The following NEB variants were observed in gnomAD, a reference collection of about 807,000 sequenced individuals.
NEB encodes the protein nemaline myopathy type 2.
In NEB, 512 loss-of-function variants were observed where a neutral mutation model predicts 952.2. The observed-to-expected ratio is 0.54, with a 90% CI of 0.50 to 0.58. The LOEUF (loss-of-function observed/expected upper bound fraction) is 0.58, where lower values mean the gene tolerates loss of function less well. Among genes scored for constraint, NEB ranks in the 20% least tolerant of loss-of-function variants. The probability of loss-of-function intolerance (pLI) is 0.00; values close to 1 mark genes in which losing one functional copy is unlikely to be tolerated. For synonymous variants in NEB, 2,900 were observed against 3,149.8 expected, an observed-to-expected ratio of 0.92 and a Z score of 2.66; for missense variants, 8,428 against 9,231.1, an observed-to-expected ratio of 0.91 and a Z score of 3.56.
chr2:151,621,329 A>G (rs2098412137), intron 71 of NEB, among the ~76,000 whole-genome samples: 1 of 152,214 alleles, frequency 6.6e-6, no homozygotes, highest in Admixed American at 6.5e-5. Context: ...TCATGAAACA[A>G]TCAAGAAATG....
chr2:151,556,784 C>G (rs980124555), intron 124 of NEB, among the ~76,000 whole-genome samples: 2 of 151,838 alleles, frequency 1.3e-5, no homozygotes, highest in Non-Finnish European at 2.9e-5. Flanking sequence ...CACCTCCTGT[C>G]GACACTAGAC....
intron 114 of NEB, among the ~76,000 whole-genome samples, chr2:151,566,592 G>A (rs1560011692): frequency 6.6e-6 from 1 of 152,178 alleles, no homozygotes; most frequent in African/African-American, 2.4e-5. Flanking sequence ...GGCAAGTAGA[G>A]ATCTTGATTC....
rs993086996 is a variant in NEB, at chr2:151,537,917, A to G, written c.21057T>C (p.Arg7019=). The change falls in exon 140 of 182, where the codon CGT becomes CGC. Residue 7019 remains arginine, a synonymous_variant. Transcript: ENST00000397345. ...CTGCTCGGTGGTGGAAATGCTCTGG[A>G]CGATCAGGAATGGACCTCCAGATAC... The part of the protein sequence containing the change: ...QLGIWRSIPD[R]PEHFHHRAVT... The G allele has an allele frequency of 1.2e-6, 2 of 1,613,240 alleles. No homozygotes were observed. Among genetic ancestry groups the G allele is most frequent in the Non-Finnish European group, 1.7e-6 (2 of 1,179,576 alleles).
intron 165 of NEB, among the ~76,000 whole-genome samples, chr2:151,503,801 T>C (rs1326167992): frequency 6.6e-6 from 1 of 152,154 alleles, no homozygotes; most frequent in Non-Finnish European, 1.5e-5. Flanking sequence ...AATGAATAGA[T>C]TGCTTGGTTT....
chr2:151,572,081 G>A (rs966832157), intron 107 of NEB, among the ~76,000 whole-genome samples: 1 of 152,222 alleles, frequency 6.6e-6, no homozygotes, highest in African/African-American at 2.4e-5. Context: ...CAGCACTTTG[G>A]GAGGCCGAGG....
chr2:151,619,426 C>A, intron 73 of NEB, 25 bp downstream of exon 73: 1 of 1,562,538 alleles, frequency 6.4e-7, no homozygotes. Flanking sequence ...TTTTAACATG[C>A]AGAGCTAACA....
At position 151,725,424 on chromosome 2, in the gene NEB, C is replaced by T. The variant is rs200433731; in HGVS notation, c.402+29G>A. Reference sequence around the variant, plus strand: ...GCAGTAGGTGTATTTTGAAATGTCCCTCTCCTTTATTTCAGCAATGCAGCC... The same window carrying T: ...GCAGTAGGTGTATTTTGAAATGTCCTTCTCCTTTATTTCAGCAATGCAGCC... On this transcript the variant is annotated intron_variant, in intron 6 of 181. Coordinates refer to ENST00000397345, the MANE Select transcript of NEB (RefSeq NM_001164508.2). The T allele has an allele frequency of 3.9e-4, 614 of 1,561,968 alleles. 1 individual carries two copies. Among genetic ancestry groups the T allele is most frequent in the Non-Finnish European group, 4.1e-4 (461 of 1,136,560 alleles).
At position 151,677,806 on chromosome 2, in the gene NEB, G is replaced by A. The variant is rs776671880; in HGVS notation, c.3568-35C>T. The A allele has an allele frequency of 3.7e-6, 6 of 1,612,074 alleles. No homozygotes were observed. The East Asian group carries it at 6.7e-5, about 18-fold the overall frequency. On this transcript the variant is annotated intron_variant, in intron 33 of 181. Transcript: ENST00000397345. ...TGGAGAAAAGAGGAGTGAGGGCCTAGGACAGGGTTCTTTTCATGGCAGGCT... is the reference window on the plus strand; with the variant it reads ...TGGAGAAAAGAGGAGTGAGGGCCTAAGACAGGGTTCTTTTCATGGCAGGCT...
At chr2:151,726,284 C>CA (rs576028439) in intron 5 of NEB, among the ~76,000 whole-genome samples, 1 of 152,202 alleles carries the variant, frequency 6.6e-6, no homozygotes, top group East Asian at 1.9e-4. Context: ...AATATATTGA[C>CA]AAAAAATTCT....
Position 151,649,194 on chromosome 2 carries a change from AATAAGT to A in NEB, c.7431+976_7431+981del, listed in dbSNP as rs1243694004. On this transcript the variant is annotated intron_variant, in intron 54 of 181. Transcript: ENST00000397345. The stretch of plus-strand genomic sequence containing the variant: ...TCTGTCATCATAAAAATAGTAAAAG[AATAAGT>A]AAATGCTTAAACATTCATAATGAAG... Among the ~76,000 whole-genome samples, 6 of 152,208 alleles carry A rather than the reference AATAAGT, an allele frequency of 3.9e-5. No homozygotes were observed. In the East Asian group the frequency reaches 1.2e-3, roughly 29 times the overall value.
intron 77 of NEB, among the ~76,000 whole-genome samples, chr2:151,613,017 C>A (rs1191074945): frequency 6.6e-6 from 1 of 152,084 alleles, no homozygotes; most frequent in East Asian, 1.9e-4. Flanking sequence ...ATATAAACAA[C>A]TGGTTGAAGG....
chr2:151,690,965 C>T lies in NEB; in HGVS notation c.2212-140G>A, dbSNP rs73967586. 2,609 of 650,630 alleles carry T rather than the reference C, an allele frequency of 4.0e-3. 55 individuals are homozygous for T. The African/African-American group carries it at 0.042, about 10-fold the overall frequency. The allele number at this position is 650,630 out of a possible 1,614,324, so 40.3% of individuals were successfully genotyped here. On this transcript the variant is annotated intron_variant, in intron 23 of 181. Coordinates refer to ENST00000397345, the MANE Select transcript of NEB (RefSeq NM_001164508.2). ...TTGATGCGTTTATATTCTCACTTCT[C>T]TGTCTGTCTCTCTCTCTCTCTCTCT...
At chr2:151,511,712 G>T (rs574571582) in intron 161 of NEB, among the ~76,000 whole-genome samples, 18 of 152,294 alleles carry the variant, frequency 1.2e-4, no homozygotes, top group Middle Eastern at 3.4e-3. Flanking sequence ...CTATCCCAGG[G>T]TGTGAAGGAT....
chr2:151,640,662 T>G lies in NEB; in HGVS notation c.8378A>C (p.Lys2793Thr). Residue 2793 changes from lysine (K) to threonine (T), a missense_variant, in exon 61 of 182, where the codon AAG becomes ACG. By Grantham distance (78) the Lys-to-Thr change is moderately conservative (BLOSUM62 -1). This residue lies in a region of NEB where 1,772 missense variants were observed against 1,960.3 expected (regional missense o/e 0.90). Coordinates refer to ENST00000397345, the MANE Select transcript of NEB (RefSeq NM_001164508.2). ...CTGCTTACGATAGCCTTCTTTGTAC[T>G]TGAACTAAAAGAAGAAAAAGACAGA... ...KASRDIASEF[K>T]YKEGYRKQLG... The G allele has an allele frequency of 6.2e-7, 1 of 1,607,426 alleles. No homozygotes were observed. Among genetic ancestry groups the G allele is most frequent in the Admixed American group, 1.7e-5 (1 of 59,454 alleles).
At chr2:151,674,843 G>T (rs2099346767) in intron 35 of NEB, among the ~76,000 whole-genome samples, 2 of 152,142 alleles carry the variant, frequency 1.3e-5, no homozygotes, top group Non-Finnish European at 2.9e-5. Context: ...ACAAATAAAG[G>T]TTCTGGAAAC....
At chr2:151,674,425 A>G (rs1470252948) in intron 36 of NEB, 52 bp downstream of exon 36, 2 of 1,329,312 alleles carry the variant, frequency 1.5e-6, no homozygotes, top group Non-Finnish European at 2.2e-6. Flanking sequence ...CAAGCATTTG[A>G]TTACTTTTCA....
At position 151,664,021 on chromosome 2, in the gene NEB, ATT is replaced by A. The variant is rs5835375; in HGVS notation, c.5452-164_5452-163del. 1.7e-3 allele frequency among the ~76,000 whole-genome samples: 253 copies of A among 151,024 alleles called. 2 individuals carry two copies. Among genetic ancestry groups the A allele is most frequent in the Middle Eastern group, 6.9e-3 (2 of 290 alleles). Reference sequence around the variant, plus strand: ...GGAGGGAGCAAACTCTTTTTACTTCATTTTTTTTTTTCCCGAGACTTGAGTCC... The same window carrying A: ...GGAGGGAGCAAACTCTTTTTACTTCATTTTTTTTTCCCGAGACTTGAGTCC... On this transcript the variant is annotated intron_variant, in intron 44 of 181. Coordinates refer to ENST00000397345, the MANE Select transcript of NEB (RefSeq NM_001164508.2).
intron 32 of NEB, among the ~76,000 whole-genome samples, chr2:151,678,603 G>A (rs1350618128): frequency 6.6e-6 from 1 of 152,212 alleles, no homozygotes; most frequent in African/African-American, 2.4e-5. Context: ...TTTAGTAGTA[G>A]TGGTAGGATG....
intron 38 of NEB, among the ~76,000 whole-genome samples, chr2:151,669,762 A>C (rs1186796328): frequency 1.3e-5 from 2 of 152,180 alleles, no homozygotes; most frequent in East Asian, 3.8e-4. Flanking sequence ...AGAAATTCCT[A>C]AGAGGTTTTA....
Sources: gnomAD v4.1 joint callset for allele counts (sites outside exome capture counted in the v4.1 genomes callset) on GRCh38, gnomAD v4.1.1 for gene constraint, gnomAD v4.1.1 regional missense constraint, MANE v1.5 for transcripts, NCBI Gene and HGNC (gene_info 2026-07-23, HGNC 2026-07-21) for gene names.